The following TRIM65 variants were observed in gnomAD, a reference collection of about 807,000 sequenced individuals.
TRIM65 encodes tripartite motif containing 65.
Under a neutral mutation model 36.1 loss-of-function variants are expected in TRIM65, and 46 were observed. The observed-to-expected ratio is 1.27, with a 90% CI of 1.01 to 1.63. TRIM65 has a LOEUF of 1.63. Ranked by LOEUF, TRIM65 falls within the 40% of genes most tolerant of loss-of-function variation. The pLI is 0.00. For synonymous variants in TRIM65, 346 were observed against 313.6 expected, an observed-to-expected ratio of 1.10 and a Z score of -1.09; for missense variants, 708 against 696.6, an observed-to-expected ratio of 1.02 and a Z score of -0.18.
chr17:75,895,427 T>TAA (rs1345664064), intron 1 of TRIM65, among the ~76,000 whole-genome samples: 1 of 151,988 alleles, frequency 6.6e-6, no homozygotes. Flanking sequence ...GACCCTACAG[T>TAA]AAGAGCCAGA....
In TRIM65 at chr17:75,890,600, C is replaced by T; in HGVS notation, c.*179G>A. 1.8e-6 allele frequency: 1 copy of T among 563,832 alleles called. No individual in the cohort carries two copies. The highest frequency in any genetic ancestry group is 3.0e-6 in the Non-Finnish European group (1 of 333,502). The allele number at this position is 563,832 out of a possible 1,614,324, so 34.9% of individuals were successfully genotyped here. On this transcript the variant is annotated 3_prime_UTR_variant, in exon 6 of 6. Coordinates refer to ENST00000269383, the MANE Select transcript of TRIM65 (RefSeq NM_173547.4). ...TTATCCCCCTCCTAGACTGTGTCCC[C>T]TTCAAAAAGGCTGCAACAGTGAACT... is the stretch of plus-strand genomic sequence containing the variant.
intron 5 of TRIM65, 58 bp from the exon 6 acceptor site, chr17:75,891,405 A>C: frequency 6.4e-7 from 1 of 1,570,360 alleles, no homozygotes; most frequent in Non-Finnish European, 8.7e-7. Context: ...CCAGATCTCC[A>C]TTTATCCGCT....
At chr17:75,895,199 C>A (rs931347375) in intron 1 of TRIM65, among the ~76,000 whole-genome samples, 1 of 152,144 alleles carries the variant, frequency 6.6e-6, no homozygotes, top group Non-Finnish European at 1.5e-5. Flanking sequence ...GGCCTGCTTT[C>A]GCCTCCACAA....
Position 75,892,128 on chromosome 17 carries a change from C to T in TRIM65, c.802G>A (p.Asp268Asn). ...PLGPLTPLQW[D>N]EDQQLGDLKQ... ...AGGTCACCCAGCTGTTGGTCTTCATCCCACTGCAGAGGGGTCAGTGGCCCA... is the reference window on the plus strand; with the variant it reads ...AGGTCACCCAGCTGTTGGTCTTCATTCCACTGCAGAGGGGTCAGTGGCCCA... Residue 268 changes from aspartate (D) to asparagine (N), a missense_variant, in exon 4 of 6, where the codon GAT becomes AAT. Physicochemically the swap from Asp to Asn is conservative, Grantham distance 23. Coordinates refer to ENST00000269383, the MANE Select transcript of TRIM65 (RefSeq NM_173547.4). 2 of 1,564,252 alleles carry T rather than the reference C, an allele frequency of 1.3e-6. No homozygotes were observed. The highest frequency in any genetic ancestry group is 1.2e-5 in the South Asian group (1 of 85,144).
At chr17:75,891,759 C>T (rs2065270192) in intron 5 of TRIM65, 54 bp downstream of exon 5, 2 of 1,557,070 alleles carry the variant, frequency 1.3e-6, no homozygotes, top group Non-Finnish European at 1.7e-6. Context: ...CACACACAGG[C>T]ACTTCCTTGC....
At position 75,891,150 on chromosome 17, in the gene TRIM65, C is replaced by T. The variant is rs752871709; in HGVS notation, c.1183G>A (p.Val395Met). Residue 395 changes from valine (V) to methionine (M), a missense_variant, in exon 6 of 6, where the codon GTG becomes ATG. Physicochemically the swap from Val to Met is conservative, Grantham distance 21 (BLOSUM62 1). Transcript: ENST00000269383. Reference sequence around the variant, plus strand: ...TGCGGGTAGGAGACGCCCAGTGTCACCGAGTGGTCTGACGCGCGCACCTCC... The same window carrying T: ...TGCGGGTAGGAGACGCCCAGTGTCATCGAGTGGTCTGACGCGCGCACCTCC... ...YWEVRASDHS[V>M]TLGVSYPQLP... 1 of 1,608,714 alleles carries T rather than the reference C, an allele frequency of 6.2e-7. No homozygotes were observed. Among genetic ancestry groups the T allele is most frequent in the Non-Finnish European group, 8.5e-7 (1 of 1,179,922 alleles).
Position 75,890,831 on chromosome 17 carries a change from T to C in TRIM65, c.1502A>G (p.His501Arg). Reference sequence around the variant, plus strand: ...CAGAGGGAACACAGCCCCTGGCTGATGGCACAGGGTCAGGGTCCTACCCTC... The same window carrying C: ...CAGAGGGAACACAGCCCCTGGCTGACGGCACAGGGTCAGGGTCCTACCCTC... The part of the protein sequence containing the change: ...LLEGRTLTLC[H>R]QPGAVFPLGP... The change falls in exon 6 of 6, where the codon CAT becomes CGT. Residue 501 changes from histidine (H) to arginine (R), a missense_variant. Physicochemically the swap from His to Arg is conservative, Grantham distance 29. Coordinates refer to ENST00000269383, the MANE Select transcript of TRIM65 (RefSeq NM_173547.4). 7 of 1,517,438 alleles carry C rather than the reference T, an allele frequency of 4.6e-6. No homozygotes were observed. The highest frequency in any genetic ancestry group is 6.2e-6 in the Non-Finnish European group (7 of 1,134,836). 94.0% of individuals were successfully genotyped at this position (1,517,438 alleles called of 1,614,324 possible). A position where few individuals can be genotyped will look rare whatever the true frequency, so the allele number is the denominator to read the frequency against.
rs1456257210 is a variant in TRIM65 at position 75,896,643 on chromosome 17, C to G, written c.295G>C (p.Gly99Arg). 1.6e-6 allele frequency: 2 copies of G among 1,242,152 alleles called. No individual in the cohort carries two copies. Among genetic ancestry groups the G allele is most frequent in the East Asian group, 3.2e-5 (1 of 31,058 alleles). 76.9% of individuals were successfully genotyped at this position (1,242,152 alleles called of 1,614,324 possible). ...PDPAARCPRH[G>R]RPLELFCRTE... is the part of the protein sequence containing the mutation. ...CGGCAGAAGAGCTCCAGCGGCCGCC[C>G]GTGGCGGGGGCAGCGCGCGGCAGGG... is the stretch of plus-strand genomic sequence containing the variant. The change falls in exon 1 of 6, where the codon GGG becomes CGG. Residue 99 changes from glycine (G) to arginine (R), a missense_variant. Transcript: ENST00000269383.
chr17:75,895,863 G>A (rs2065338493), intron 1 of TRIM65, among the ~76,000 whole-genome samples: 1 of 152,118 alleles, frequency 6.6e-6, no homozygotes, highest in Admixed American at 6.5e-5. Flanking sequence ...CCACAACCCC[G>A]CACAGCGAAT....
chr17:75,883,315 C>T (rs1432748585), intron 4 of TRIM65, among the ~76,000 whole-genome samples: 2 of 142,232 alleles, frequency 1.4e-5, no homozygotes, highest in Non-Finnish European at 2.9e-5. Flanking sequence ...GGGGGCTTCA[C>T]CATGTTGACC....
At chr17:75,888,863 A>G (rs915188811), downstream of TRIM65, 2 of 151,826 alleles carry the variant, frequency 1.3e-5, no homozygotes, top group African/African-American at 4.8e-5. Flanking sequence ...GGAGGCTGCA[A>G]TGACGGCAGT....
In TRIM65 at chr17:75,895,991, C is replaced by T. The variant is rs1318869085; in HGVS notation, c.414+533G>A. Among the ~76,000 whole-genome samples the T allele has an allele frequency of 3.3e-5, 5 of 152,358 alleles. No homozygotes were observed. In the East Asian group the frequency reaches 9.7e-4, roughly 29 times the overall value. ...TCATCCAGAGGGCACCGAGCAGCTTCTGAGACCCACCCTGTGTCACTGGCC... is the reference window on the plus strand; with the variant it reads ...TCATCCAGAGGGCACCGAGCAGCTTTTGAGACCCACCCTGTGTCACTGGCC... On this transcript the variant is annotated intron_variant, in intron 1 of 5. Coordinates refer to ENST00000269383, the MANE Select transcript of TRIM65 (RefSeq NM_173547.4).
chr17:75,886,184 A>G (rs756395656), downstream of TRIM65, among the ~76,000 whole-genome samples: 14 of 152,000 alleles, frequency 9.2e-5, no homozygotes, highest in Non-Finnish European at 1.9e-4. Context: ...GCTTTCTACC[A>G]TGATTGTGAG....
chr17:75,890,812 G>T lies in TRIM65; in HGVS notation c.1521C>A (p.Phe507Leu). The part of the protein sequence containing the change: ...LTLCHQPGAV[F>L]PLGPQEEVLS ...GCACCTCTTCCTGGGGCCCCAGAGG[G>T]AACACAGCCCCTGGCTGATGGCACA... The change falls in exon 6 of 6, where the codon TTC becomes TTA. Residue 507 changes from phenylalanine to leucine, a missense_variant. Coordinates refer to ENST00000269383, the MANE Select transcript of TRIM65 (RefSeq NM_173547.4). The T allele has an allele frequency of 1.3e-6, 2 of 1,509,368 alleles. No homozygotes were observed. Among genetic ancestry groups the T allele is most frequent in the South Asian group, 2.6e-5 (2 of 76,392 alleles). 93.5% of individuals were successfully genotyped at this position (1,509,368 alleles called of 1,614,324 possible).
chr17:75,881,379 T>C (rs1378464795), intron 4 of TRIM65, among the ~76,000 whole-genome samples: 2 of 150,298 alleles, frequency 1.3e-5, no homozygotes, highest in East Asian at 3.9e-4. Flanking sequence ...CACCAGAGAC[T>C]GGGTGGCTTA....
rs967752071 is a variant in TRIM65 at position 75,896,626 on chromosome 17, G to A, written c.312C>T (p.Leu104=). 8.0e-7 allele frequency: 1 copy of A among 1,248,556 alleles called. No homozygotes were observed. The highest frequency in any genetic ancestry group is 1.0e-6 in the Non-Finnish European group (1 of 1,000,500). The allele number at this position is 1,248,556 out of a possible 1,614,324, so 77.3% of individuals were successfully genotyped here. Residue 104 remains leucine, a synonymous_variant, in exon 1 of 6, where the codon CTC becomes CTT. Coordinates refer to ENST00000269383, the MANE Select transcript of TRIM65 (RefSeq NM_173547.4). The stretch of plus-strand genomic sequence containing the variant: ...CACAGCGGCCCTCGGTCCGGCAGAA[G>A]AGCTCCAGCGGCCGCCCGTGGCGGG... ...RCPRHGRPLE[L]FCRTEGRCVC...
chr17:75,893,308 T>C (rs1883057162), intron 1 of TRIM65, among the ~76,000 whole-genome samples: 1 of 152,164 alleles, frequency 6.6e-6, no homozygotes, highest in South Asian at 2.1e-4. Context: ...GCCCTGGGGC[T>C]TGAGAAGCTG....
chr17:75,890,853 C>T lies in TRIM65; in HGVS notation c.1480G>A (p.Gly494Ser), dbSNP rs1599454533. ...TGATGGCACAGGGTCAGGGTCCTACCCTCGAGGAGCCAGAAGACGGGGGTG... is the reference window on the plus strand; with the variant it reads ...TGATGGCACAGGGTCAGGGTCCTACTCTCGAGGAGCCAGAAGACGGGGGTG... ...PLTPVFWLLE[G>S]RTLTLCHQPG... The change falls in exon 6 of 6, where the codon GGT becomes AGT. Residue 494 changes from glycine (G) to serine (S), a missense_variant. Coordinates refer to ENST00000269383, the MANE Select transcript of TRIM65 (RefSeq NM_173547.4). The T allele has an allele frequency of 6.5e-7, 1 of 1,527,760 alleles. No individual in the cohort carries two copies. The highest frequency in any genetic ancestry group is 1.4e-5 in the African/African-American group (1 of 71,240). The allele number at this position is 1,527,760 out of a possible 1,614,324, so 94.6% of individuals were successfully genotyped here. A position where few individuals can be genotyped will look rare whatever the true frequency, so the allele number is the denominator to read the frequency against.
chr17:75,887,646 CAAAA>C (rs35086337), downstream of TRIM65, among the ~76,000 whole-genome samples: 3 of 90,668 alleles, frequency 3.3e-5, no homozygotes, highest in Admixed American at 1.2e-4. Flanking sequence ...GACTCCGTCT[CAAAA>C]AAAAAAAAAA....
Sources: allele counts gnomAD v4.1 joint callset (sites outside exome capture counted in the v4.1 genomes callset), GRCh38; gene constraint gnomAD v4.1.1; transcripts MANE v1.5; gene names NCBI Gene and HGNC (gene_info 2026-07-23, HGNC 2026-07-21).